NUP188: variants seen among roughly 807,000 people sequenced by gnomAD.
The protein encoded by NUP188 is nucleoporin 188.
NUP188 carries 97 observed loss-of-function variants against 223.0 expected under a neutral mutation model. The observed-to-expected ratio is 0.43, with a 90% CI of 0.37 to 0.51. The LOEUF is 0.51. Among genes scored for constraint, NUP188 ranks in the 20% least tolerant of loss-of-function variants. The pLI is 0.00. For synonymous variants in NUP188, 869 were observed against 828.0 expected, an observed-to-expected ratio of 1.05 and a Z score of -0.85; for missense variants, 1,947 against 2,175.6, an observed-to-expected ratio of 0.89 and a Z score of 2.09.
intron 25 of NUP188, among the ~76,000 whole-genome samples, chr9:128,992,011 A>G (rs1392252776): frequency 2.9e-5 from 4 of 138,210 alleles, no homozygotes; most frequent in Non-Finnish European, 6.1e-5. Flanking sequence ...GGGTTCAGCC[A>G]TTCTCCTGCC....
chr9:128,986,958 C>G (rs1842341980), intron 22 of NUP188, 83 bp downstream of exon 22: 1 of 1,259,626 alleles, frequency 7.9e-7, no homozygotes. Flanking sequence ...CTCAGTTCTT[C>G]CAGAGAATTT....
intron 13 of NUP188, among the ~76,000 whole-genome samples, chr9:128,979,610 C>T (rs2131164007): frequency 7.4e-6 from 1 of 134,610 alleles, no homozygotes; most frequent in East Asian, 2.0e-4. Context: ...GTCTCCAGCC[C>T]ACCAGGTTTT....
intron 2 of NUP188, among the ~76,000 whole-genome samples, chr9:128,951,380 G>A (rs188653941): frequency 3.1e-4 from 47 of 151,258 alleles, no homozygotes; most frequent in Middle Eastern, 3.5e-3. Context: ...TCAGGAGGCT[G>A]TGGTGGAAAG....
chr9:128,991,163 T>TTC (rs1491355090), intron 25 of NUP188, among the ~76,000 whole-genome samples: 1 of 51,856 alleles, frequency 1.9e-5, no homozygotes, highest in Non-Finnish European at 4.1e-5. Context: ...TCCAGATTTC[T>TTC]TTTTTTTTTT....
At chr9:128,982,457 A>G (rs1842269620) in intron 15 of NUP188, 92 bp from the exon 16 acceptor site, 4 of 1,162,222 alleles carry the variant, frequency 3.4e-6, no homozygotes, top group Non-Finnish European at 4.9e-6. Flanking sequence ...GAGTTTGTGT[A>G]TCTCTGTGTG....
At chr9:128,959,870 G>T (rs544770892) in intron 8 of NUP188, among the ~76,000 whole-genome samples, 1 of 152,072 alleles carries the variant, frequency 6.6e-6, no homozygotes, top group East Asian at 1.9e-4. Context: ...GTTTAAACAT[G>T]TCATATAAAT....
intron 6 of NUP188, 114 bp downstream of exon 6, chr9:128,958,168 C>A: frequency 1.3e-6 from 1 of 754,100 alleles, no homozygotes; most frequent in Non-Finnish European, 2.2e-6. Context: ...GCATGGAGGT[C>A]TTTATGAAGA....
chr9:128,980,650 A>G lies in NUP188; in HGVS notation c.1314A>G (p.Gly438=). ...GGATCATTCTGGACAGTGTGTGTGG[A>G]ATGTTTCCCCACCTTCTCTCCCCAC... ...GLGIILDSVC[G]MFPHLLSPLL... is the part of the protein sequence containing the mutation. The change falls in exon 14 of 44, where the codon GGA becomes GGG. Residue 438 remains glycine (G), a synonymous_variant. Coordinates refer to ENST00000372577, the MANE Select transcript of NUP188 (RefSeq NM_015354.3). 1.9e-6 allele frequency: 3 copies of G among 1,614,086 alleles called. No individual in the cohort carries two copies. The highest frequency in any genetic ancestry group is 2.5e-6 in the Non-Finnish European group (3 of 1,180,002).
chr9:128,968,832 G>T, intron 9 of NUP188, 115 bp downstream of exon 9: 1 of 742,708 alleles, frequency 1.3e-6, no homozygotes, highest in Non-Finnish European at 2.3e-6. Context: ...TGGGGAAATA[G>T]GTCTACTGCC....
intron 8 of NUP188, among the ~76,000 whole-genome samples, chr9:128,966,871 G>A (rs1328831629): frequency 6.6e-6 from 1 of 152,158 alleles, no homozygotes; most frequent in East Asian, 1.9e-4. Context: ...ATCCAAGTGA[G>A]CAGGTAAAAT....
Position 129,006,807 on chromosome 9 carries a change from C to T in NUP188, c.*129C>T. 1.1e-6 allele frequency: 1 copy of T among 947,696 alleles called. No individual in the cohort carries two copies. The highest frequency in any genetic ancestry group is 1.5e-6 in the Non-Finnish European group (1 of 653,584). 58.7% of individuals were successfully genotyped at this position (947,696 alleles called of 1,614,324 possible). On this transcript the variant is annotated 3_prime_UTR_variant, in exon 44 of 44. Coordinates refer to ENST00000372577, the MANE Select transcript of NUP188 (RefSeq NM_015354.3). ...CCTGTCACCCCCCTCCCGGAGTAGC[C>T]ACGACTCCAGCCACCACCCACTGAC... is the stretch of plus-strand genomic sequence containing the variant.
At chr9:128,953,379 G>A (rs1841823088) in intron 3 of NUP188, among the ~76,000 whole-genome samples, 1 of 152,218 alleles carries the variant, frequency 6.6e-6, no homozygotes, top group Non-Finnish European at 1.5e-5. Context: ...CAAATAAAGA[G>A]AATGCAGCTT....
chr9:128,998,498 C>G (rs1486540538), intron 31 of NUP188, 40 bp from the exon 32 acceptor site: 3 of 1,561,312 alleles, frequency 1.9e-6, no homozygotes, highest in Non-Finnish European at 1.8e-6. Context: ...GCATGCGAAT[C>G]TTTCCACTGA....
chr9:128,978,178 G>A (rs1353097698), intron 12 of NUP188, among the ~76,000 whole-genome samples: 1 of 152,136 alleles, frequency 6.6e-6, no homozygotes, highest in Non-Finnish European at 1.5e-5. Context: ...AAAGGCTGCA[G>A]TGAGCTATGA....
chr9:128,980,284 G>T (rs958680164), intron 13 of NUP188, among the ~76,000 whole-genome samples: 37 of 152,144 alleles, frequency 2.4e-4, no homozygotes, highest in Admixed American at 2.4e-3. Context: ...CTGTGTGGTA[G>T]CCAACTGCTG....
intron 19 of NUP188, 21 bp downstream of exon 19, chr9:128,983,571 G>A (rs1164426497): frequency 6.4e-7 from 1 of 1,572,688 alleles, no homozygotes; most frequent in South Asian, 1.1e-5. Context: ...TCCTAGGGTG[G>A]TGGGCCATAT....
rs754613906 is a variant in NUP188 at position 129,001,864 on chromosome 9, CT to C, written c.4045-19del. The C allele has an allele frequency of 6.2e-7, 1 of 1,612,030 alleles. No homozygotes were observed. The highest frequency in any genetic ancestry group is 8.5e-7 in the Non-Finnish European group (1 of 1,178,252). On this transcript the variant is annotated intron_variant, in intron 35 of 43. Coordinates refer to ENST00000372577, the MANE Select transcript of NUP188 (RefSeq NM_015354.3). ...GCAGGGGCAGGCTCCATCTCATTTC[CT>C]GTCTTTCCCTCCTCCCAGGGAGCCA...
chr9:128,981,177 T>G, intron 14 of NUP188, 87 bp from the exon 15 acceptor site: 7 of 1,498,206 alleles, frequency 4.7e-6, no homozygotes, highest in Non-Finnish European at 6.3e-6. Context: ...GCAAGAAGTT[T>G]GAGAGTCTGG....
At position 128,983,545 on chromosome 9, in the gene NUP188, G is replaced by T; in HGVS notation, c.1956G>T (p.Met652Ile). The change falls in exon 19 of 44, where the codon ATG becomes ATT. Residue 652 changes from methionine to isoleucine, a missense_variant. By Grantham distance (10) the Met-to-Ile change is conservative. Transcript: ENST00000372577. ...VAHPVSSLSQ[M>I]ISAEGMNAGG... ...ATCCTGTCTCCAGCCTGAGTCAGAT[G>T]ATTAGGTGAGCCAAGTCCTAGGGTG... is the stretch of plus-strand genomic sequence containing the variant. 1 of 1,613,378 alleles carries T rather than the reference G, an allele frequency of 6.2e-7. No individual in the cohort carries two copies. The highest frequency in any genetic ancestry group is 8.5e-7 in the Non-Finnish European group (1 of 1,179,442).
Sources: gnomAD v4.1 joint callset for allele counts (sites outside exome capture counted in the v4.1 genomes callset) on GRCh38, gnomAD v4.1.1 for gene constraint, MANE v1.5 for transcripts, NCBI Gene and HGNC (gene_info 2026-07-23, HGNC 2026-07-21) for gene names.